The following GALNTL6 variants were observed in gnomAD, a reference collection of about 807,000 sequenced individuals.
GALNTL6 encodes the protein polypeptide N-acetylgalactosaminyltransferase like 6.
In GALNTL6, 46 loss-of-function variants were observed where a neutral mutation model predicts 73.7. The observed-to-expected ratio is 0.62, with a 90% CI of 0.49 to 0.80. The LOEUF (loss-of-function observed/expected upper bound fraction) is 0.80. GALNTL6 is among the 30% of genes least tolerant of loss of function. The probability of loss-of-function intolerance (pLI) is 0.00; values close to 1 mark genes in which losing one functional copy is unlikely to be tolerated. For missense variants in GALNTL6, 604 were observed against 755.0 expected, an observed-to-expected ratio of 0.80 and a Z score of 2.34; for synonymous variants, 259 against 263.7, an observed-to-expected ratio of 0.98 and a Z score of 0.17.
intron 2 of GALNTL6, among the ~76,000 whole-genome samples, chr4:172,100,524 A>T (rs1732480272): frequency 6.6e-6 from 1 of 152,322 alleles, no homozygotes; most frequent in East Asian, 1.9e-4. Flanking sequence ...TTAAAAATAT[A>T]ATCATTATGC....
intron 5 of GALNTL6, among the ~76,000 whole-genome samples, chr4:172,670,058 G>C (rs563649562): frequency 6.6e-6 from 1 of 152,138 alleles, no homozygotes; most frequent in African/African-American, 2.4e-5. Context: ...TTTTCTTTAC[G>C]CAGTTTATCA....
At chr4:172,253,100 A>C (rs1399681164) in intron 3 of GALNTL6, among the ~76,000 whole-genome samples, 1 of 152,024 alleles carries the variant, frequency 6.6e-6, no homozygotes, top group Non-Finnish European at 1.5e-5. Context: ...ACAGTTTGGT[A>C]ATAAAATAAT....
In GALNTL6 at chr4:172,641,725, T is replaced by A. The variant is rs73869577; in HGVS notation, c.554-167636T>A. On this transcript the variant is annotated intron_variant, in intron 5 of 12. Transcript: ENST00000506823. The stretch of plus-strand genomic sequence containing the variant: ...CCATTTATGTAACATATTATCAAAT[T>A]TACTTATTCATTATATTTATTTTTA... Among the ~76,000 whole-genome samples the A allele has an allele frequency of 8.6e-3, 1,302 of 152,238 alleles. 16 individuals are homozygous for A. Among genetic ancestry groups the A allele is most frequent in the African/African-American group, 0.026 (1,092 of 41,546 alleles).
intron 3 of GALNTL6, among the ~76,000 whole-genome samples, chr4:172,235,404 AC>A (rs1316360938): frequency 1.3e-5 from 2 of 151,980 alleles, no homozygotes; most frequent in Admixed American, 1.3e-4. Context: ...ACAGGGTTTC[AC>A]TATGTTGGCC....
intron 2 of GALNTL6, among the ~76,000 whole-genome samples, chr4:171,843,372 C>CT (rs1308781941): frequency 6.6e-6 from 1 of 152,080 alleles, no homozygotes; most frequent in Admixed American, 6.6e-5. Context: ...TTGCAATACT[C>CT]TGTTATTGAT....
chr4:172,200,546 A>G (rs1331384318), intron 2 of GALNTL6, among the ~76,000 whole-genome samples: 1 of 152,206 alleles, frequency 6.6e-6, no homozygotes, highest in African/African-American at 2.4e-5. Flanking sequence ...GTTCTTTATA[A>G]CCAAATGCCA....
At chr4:172,841,314 C>T (rs577511757) in intron 7 of GALNTL6, among the ~76,000 whole-genome samples, 7 of 152,238 alleles carry the variant, frequency 4.6e-5, no homozygotes, top group East Asian at 3.9e-4. Flanking sequence ...CCGTGCATAT[C>T]GCCTCATTTA....
Position 172,348,547 on chromosome 4 carries a change from A to G in GALNTL6, c.411A>G (p.Glu137=), listed in dbSNP as rs1373054178. 3 of 1,612,730 alleles carry G rather than the reference A, an allele frequency of 1.9e-6. No homozygotes were observed. Among genetic ancestry groups the G allele is most frequent in the East Asian group, 4.5e-5 (2 of 44,842 alleles). Residue 137 remains glutamate (E), a synonymous_variant, in exon 5 of 13, where the codon GAA becomes GAG. Coordinates refer to ENST00000506823, the MANE Select transcript of GALNTL6 (RefSeq NM_001034845.3). The part of the protein sequence containing the change: ...HANCKHKMYL[E]RLPNTSIIIP... The stretch of plus-strand genomic sequence containing the variant: ...GCTGTAAGCATAAGATGTATCTGGA[A>G]AGGCTGCCAAACACCAGCATCATTA...
intron 5 of GALNTL6, among the ~76,000 whole-genome samples, chr4:172,495,264 A>G (rs769788292): frequency 6.6e-6 from 1 of 152,126 alleles, no homozygotes; most frequent in East Asian, 1.9e-4. Context: ...AAGAAAAGAG[A>G]CTCAAAGAAG....
At chr4:172,718,816 A>G (rs1210190997) in intron 5 of GALNTL6, among the ~76,000 whole-genome samples, 1 of 152,154 alleles carries the variant, frequency 6.6e-6, no homozygotes, top group African/African-American at 2.4e-5. Flanking sequence ...CAACTTTTAA[A>G]AAATAACAGC....
At chr4:172,427,264 G>A (rs1433941477) in intron 5 of GALNTL6, among the ~76,000 whole-genome samples, 1 of 152,144 alleles carries the variant, frequency 6.6e-6, no homozygotes, top group Non-Finnish European at 1.5e-5. Flanking sequence ...TCACAATTAT[G>A]GCAGAAGGTG....
intron 2 of GALNTL6, among the ~76,000 whole-genome samples, chr4:172,054,500 A>G (rs1214594629): frequency 6.6e-6 from 1 of 152,160 alleles, no homozygotes. Flanking sequence ...CAAGGCTTCC[A>G]GCAGGTTCAA....
At chr4:172,914,872 T>G (rs1455468290) in intron 8 of GALNTL6, among the ~76,000 whole-genome samples, 2 of 152,194 alleles carry the variant, frequency 1.3e-5, no homozygotes, top group Non-Finnish European at 2.9e-5. Flanking sequence ...TATCCAGGAC[T>G]TGAACACAGC....
chr4:172,090,927 C>A (rs913298817), intron 2 of GALNTL6, among the ~76,000 whole-genome samples: 5 of 152,040 alleles, frequency 3.3e-5, no homozygotes, highest in Non-Finnish European at 5.9e-5. Context: ...AGCCAGTTTT[C>A]CCCAACACCA....
intron 2 of GALNTL6, among the ~76,000 whole-genome samples, chr4:171,915,253 C>T (rs1472331921): frequency 6.6e-6 from 1 of 152,138 alleles, no homozygotes; most frequent in Admixed American, 6.6e-5. Flanking sequence ...TTCTGCCAGG[C>T]ATTACCTAGA....
chr4:171,818,380 A>G (rs1005546036), intron 2 of GALNTL6, among the ~76,000 whole-genome samples: 2 of 151,940 alleles, frequency 1.3e-5, no homozygotes, highest in African/African-American at 2.4e-5. Flanking sequence ...CAAAAAAAGT[A>G]ACTGTAATAG....
intron 2 of GALNTL6, among the ~76,000 whole-genome samples, chr4:171,919,440 G>A (rs1344325333): frequency 6.6e-6 from 1 of 152,030 alleles, no homozygotes; most frequent in Non-Finnish European, 1.5e-5. Context: ...CTAAGGACTT[G>A]TTAGAAGACG....
intron 7 of GALNTL6, among the ~76,000 whole-genome samples, chr4:172,838,081 C>A (rs1238159091): frequency 6.6e-6 from 1 of 151,388 alleles, no homozygotes; most frequent in Non-Finnish European, 1.5e-5. Flanking sequence ...TGTTTGCTCG[C>A]ACAGCATGGA....
At position 172,504,179 on chromosome 4, in the gene GALNTL6, A is replaced by AAAAAAAAAC. The variant is rs60168973; in HGVS notation, c.553+155490_553+155491insAAAAAAAAC. The stretch of plus-strand genomic sequence containing the variant: ...TGTCTCAAAAAAAAAAAAAAAAAAA[A>AAAAAAAAAC]CTCACACCTTGTTGATATTGGTCCT... On this transcript the variant is annotated intron_variant, in intron 5 of 12. Coordinates refer to ENST00000506823, the MANE Select transcript of GALNTL6 (RefSeq NM_001034845.3). Among the ~76,000 whole-genome samples, 46 of 44,482 alleles carry AAAAAAAAAC rather than the reference A, an allele frequency of 1.0e-3. 23 individuals are homozygous for AAAAAAAAAC. In the East Asian group the frequency reaches 0.15, roughly 145 times the overall value. 29.2% of individuals were successfully genotyped at this position (44,482 alleles called of 152,430 possible). A position where few individuals can be genotyped will look rare whatever the true frequency, so the allele number is the denominator to read the frequency against.
Sources: gnomAD v4.1 joint callset for allele counts (sites outside exome capture counted in the v4.1 genomes callset) on GRCh38, gnomAD v4.1.1 for gene constraint, MANE v1.5 for transcripts, NCBI Gene and HGNC (gene_info 2026-07-23, HGNC 2026-07-21) for gene names.